ENPP1: variants seen among roughly 807,000 people sequenced by gnomAD.
ENPP1 encodes ectonucleotide pyrophosphatase/phosphodiesterase family member 1.
ENPP1 carries 73 observed loss-of-function variants against 122.8 expected under a neutral mutation model. That is an observed-to-expected ratio of 0.59 (90% CI 0.49 to 0.72). The LOEUF (loss-of-function observed/expected upper bound fraction) is 0.72, where lower values mean the gene tolerates loss of function less well. Ranked by LOEUF, ENPP1 falls within the 30% of genes least tolerant of loss-of-function variation. The pLI is 0.00. For missense variants in ENPP1, 978 were observed against 1,128.1 expected (o/e 0.87, Z 1.91); for synonymous variants, 367 against 391.6 (o/e 0.94, Z 0.74).
chr6:131,808,431 T>C (rs1585782662), intron 1 of ENPP1, among the ~76,000 whole-genome samples, 156 bp downstream of exon 1: 1 of 152,144 alleles, frequency 6.6e-6, no homozygotes, highest in African/African-American at 2.4e-5. Flanking sequence ...CCGCAGCCTT[T>C]GCAAGTGCCC....
chr6:131,836,200 C>T (rs888832305), intron 1 of ENPP1, among the ~76,000 whole-genome samples: 3 of 151,824 alleles, frequency 2.0e-5, no homozygotes, highest in Non-Finnish European at 4.4e-5. Flanking sequence ...GCAACCTCTG[C>T]CTCCTGGGTT....
chr6:131,874,985 C>T (rs891734851), intron 16 of ENPP1, among the ~76,000 whole-genome samples: 1 of 152,112 alleles, frequency 6.6e-6, no homozygotes, highest in Admixed American at 6.6e-5. Context: ...CACATGTTCA[C>T]TTGTAAGTGG....
chr6:131,882,575 T>A, intron 21 of ENPP1, 101 bp downstream of exon 21: 1 of 266,104 alleles, frequency 3.8e-6, no homozygotes, highest in Non-Finnish European at 6.7e-6. Context: ...ATATTACCTA[T>A]TATATATATA....
At chr6:131,869,004 G>C (rs1782124141) in intron 12 of ENPP1, among the ~76,000 whole-genome samples, 1 of 152,200 alleles carries the variant, frequency 6.6e-6, no homozygotes, top group South Asian at 2.1e-4. Context: ...TGGAATGAGA[G>C]TGAATCATAC....
At chr6:131,876,768 A>G (rs1782234721) in intron 17 of ENPP1, among the ~76,000 whole-genome samples, 1 of 152,232 alleles carries the variant, frequency 6.6e-6, no homozygotes, top group Non-Finnish European at 1.5e-5. Flanking sequence ...TATGCTTTAA[A>G]TATCAGAAAT....
At chr6:131,872,294 A>T (rs189555389) in intron 14 of ENPP1, among the ~76,000 whole-genome samples, 193 bp downstream of exon 14, 234 of 152,306 alleles carry the variant, frequency 1.5e-3, no homozygotes, top group Middle Eastern at 0.01. Context: ...AAAATTTTTA[A>T]GAATTTGTCT....
chr6:131,850,015 C>G lies in ENPP1; in HGVS notation c.339C>G (p.Phe113Leu). 3.1e-6 allele frequency: 5 copies of G among 1,613,840 alleles called. No homozygotes were observed. The highest frequency in any genetic ancestry group is 4.2e-6 in the Non-Finnish European group (5 of 1,179,800). ...TTAAAAGTTGCAAAGGTCGCTGTTT[C>G]GAGAGAACATTTGGGAACTGTCGCT... ...KEVKSCKGRCFERTFGNCRCD... is the reference protein window; with the variant it reads ...KEVKSCKGRCLERTFGNCRCD... Residue 113 changes from phenylalanine to leucine, a missense_variant, in exon 3 of 25, where the codon TTC (phenylalanine) becomes TTG (leucine). Coordinates refer to ENST00000647893, the MANE Select transcript of ENPP1 (RefSeq NM_006208.3).
chr6:131,864,290 A>C (rs1782060441), intron 9 of ENPP1, among the ~76,000 whole-genome samples: 1 of 152,210 alleles, frequency 6.6e-6, no homozygotes, highest in Non-Finnish European at 1.5e-5. Context: ...ATAGCAAGCA[A>C]AGTTTTAAAT....
intron 1 of ENPP1, 123 bp from the exon 2 acceptor site, chr6:131,847,653 C>T (rs532210201): frequency 2.8e-6 from 2 of 702,492 alleles, no homozygotes; most frequent in Non-Finnish European, 4.7e-6. Context: ...TTACAGTGAA[C>T]TATGATCATG....
intron 18 of ENPP1, 103 bp downstream of exon 18, chr6:131,877,264 G>A: frequency 9.2e-7 from 1 of 1,091,014 alleles, no homozygotes; most frequent in South Asian, 1.3e-5. Context: ...GAATTTAGGA[G>A]TGGGGGTAGG....
chr6:131,874,999 C>T (rs1011418054), intron 16 of ENPP1, among the ~76,000 whole-genome samples: 1 of 152,036 alleles, frequency 6.6e-6, no homozygotes, highest in Non-Finnish European at 1.5e-5. Flanking sequence ...TAAGTGGTAG[C>T]TAAACAGTAG....
chr6:131,855,414 C>T (rs950204971), intron 6 of ENPP1, among the ~76,000 whole-genome samples: 1 of 152,168 alleles, frequency 6.6e-6, no homozygotes, highest in Non-Finnish European at 1.5e-5. Flanking sequence ...CAACCTCTGC[C>T]TCCCAGGTTC....
intron 13 of ENPP1, among the ~76,000 whole-genome samples, chr6:131,869,942 T>G (rs1782140460): frequency 6.6e-6 from 1 of 152,034 alleles, no homozygotes; most frequent in Admixed American, 6.6e-5. Flanking sequence ...TTTTTATGAT[T>G]AAATCTCCAA....
rs145325825 is a variant in ENPP1, at chr6:131,872,154, T to C, written c.1437+53T>C. The stretch of plus-strand genomic sequence containing the variant: ...GTTATTTTTACTTTTGTATAATATA[T>C]ATTGAGAGAAAAGTTTCAGCATCTA... On this transcript the variant is annotated intron_variant, in intron 14 of 24. Transcript: ENST00000647893. The C allele has an allele frequency of 1.3e-3, 1,545 of 1,234,230 alleles. 13 individuals carry two copies. The African/African-American group carries it at 0.02, about 16-fold the overall frequency. 76.5% of individuals were successfully genotyped at this position (1,234,230 alleles called of 1,614,324 possible).
rs1562521209 is a variant in ENPP1 at position 131,854,950 on chromosome 6, A to G, written c.642A>G (p.Leu214=). Residue 214 remains leucine, a synonymous_variant, in exon 6 of 25, where the codon TTA becomes TTG. Transcript: ENST00000647893. ...GGTTTGAAACGCCTCCTACCCTCTT[A>G]TTTTCTTTGGATGGATTCAGGGCAG... ...PAGFETPPTL[L]FSLDGFRAEY... 6.2e-7 allele frequency: 1 copy of G among 1,612,592 alleles called. No homozygotes were observed. The highest frequency in any genetic ancestry group is 8.5e-7 in the Non-Finnish European group (1 of 1,179,474).
At position 131,847,858 on chromosome 6, in the gene ENPP1, TGTGTGTGTG is replaced by T. The variant is rs768170911; in HGVS notation, c.313+11_313+19del. On this transcript the variant is annotated intron_variant, in intron 2 of 24. Transcript: ENST00000647893. ...AGCTGTGCCAAAGAAGGTAATTAGG[TGTGTGTGTG>T]TGTGTGTGTGTGTGTGTGTGTGTGT... 106 of 444,214 alleles carry T rather than the reference TGTGTGTGTG, an allele frequency of 2.4e-4. No individual in the cohort carries two copies. Among genetic ancestry groups the T allele is most frequent in the African/African-American group, 2.1e-3 (73 of 33,960 alleles). The allele number at this position is 444,214 out of a possible 1,614,324, so 27.5% of individuals were successfully genotyped here.
chr6:131,880,854 A>G (rs548977159), intron 20 of ENPP1, among the ~76,000 whole-genome samples: 6 of 152,242 alleles, frequency 3.9e-5, no homozygotes, highest in Admixed American at 3.3e-4. Flanking sequence ...AATCCTGCCC[A>G]CCACCAACAC....
intron 1 of ENPP1, among the ~76,000 whole-genome samples, chr6:131,823,664 G>A (rs1781508385): frequency 6.6e-6 from 1 of 151,194 alleles, no homozygotes; most frequent in Non-Finnish European, 1.5e-5. Flanking sequence ...CCTCTCAAAT[G>A]AAACATTCTT....
intron 6 of ENPP1, 101 bp downstream of exon 6, chr6:131,855,124 T>C: frequency 1.1e-6 from 1 of 876,138 alleles, no homozygotes; most frequent in Non-Finnish European, 1.9e-6. Flanking sequence ...CCTAACTGTT[T>C]CACTAAACTT....
Sources: allele counts gnomAD v4.1 joint callset (sites outside exome capture counted in the v4.1 genomes callset), GRCh38; gene constraint gnomAD v4.1.1; transcripts MANE v1.5; gene names NCBI Gene and HGNC (gene_info 2026-07-23, HGNC 2026-07-21).